Variants in GPM6A observed in about 807,000 individuals in gnomAD.
The protein encoded by GPM6A is neuronal membrane glycoprotein M6-a.
A neutral mutation model predicts 32.1 loss-of-function variants in GPM6A; 7 were observed. That is an observed-to-expected ratio of 0.22 (90% confidence interval 0.12 to 0.41). The LOEUF is 0.41. Among genes scored for constraint, GPM6A ranks in the 10% least tolerant of loss-of-function variants. GPM6A has a pLI of 1.00. For missense variants in GPM6A, 235 were observed against 347.2 expected (o/e 0.68, Z 2.57); for synonymous variants, 130 against 123.4 (o/e 1.05, Z -0.35).
intron 1 of GPM6A, among the ~76,000 whole-genome samples, chr4:175,889,427 C>T (rs1420651946): frequency 1.3e-5 from 2 of 151,530 alleles, no homozygotes; most frequent in East Asian, 1.9e-4. Context: ...CTGGAGGCTA[C>T]GGCAGGAGGA....
intron 1 of GPM6A, among the ~76,000 whole-genome samples, chr4:175,969,296 G>A (rs949280537): frequency 2.4e-4 from 37 of 152,110 alleles, no homozygotes; most frequent in African/African-American, 8.2e-4. Context: ...GATTCTTAGG[G>A]CAGTGAGACT....
At chr4:175,764,280 T>A (rs929214179) in intron 1 of GPM6A, among the ~76,000 whole-genome samples, 1 of 152,250 alleles carries the variant, frequency 6.6e-6, no homozygotes, top group Non-Finnish European at 1.5e-5. Context: ...CATGCTTTTA[T>A]GCCTGACTTC....
At chr4:175,864,546 T>C (rs1736672569) in intron 1 of GPM6A, among the ~76,000 whole-genome samples, 1 of 152,216 alleles carries the variant, frequency 6.6e-6, no homozygotes, top group Non-Finnish European at 1.5e-5. Flanking sequence ...CTATCCTGGA[T>C]ACAACTTTTT....
intron 3 of GPM6A, among the ~76,000 whole-genome samples, 175 bp downstream of exon 3, chr4:175,673,505 C>T (rs893676582): frequency 1.3e-5 from 2 of 151,902 alleles, no homozygotes; most frequent in African/African-American, 4.8e-5. Context: ...ACTGAATTTT[C>T]ACAAGGAATA....
At chr4:175,914,979 TTTAA>T (rs1227405470) in intron 1 of GPM6A, among the ~76,000 whole-genome samples, 1 of 152,198 alleles carries the variant, frequency 6.6e-6, no homozygotes, top group African/African-American at 2.4e-5. Flanking sequence ...TTACACAAAT[TTTAA>T]TTAATATTGA....
intron 1 of GPM6A, among the ~76,000 whole-genome samples, chr4:175,876,473 C>A (rs144177367): frequency 1.6e-4 from 24 of 152,238 alleles, no homozygotes; most frequent in African/African-American, 5.8e-4. Context: ...AGAAAATATG[C>A]CACTCTATCT....
intron 1 of GPM6A, among the ~76,000 whole-genome samples, chr4:175,985,124 T>G (rs1239672201): frequency 6.6e-6 from 1 of 152,176 alleles, no homozygotes; most frequent in Non-Finnish European, 1.5e-5. Flanking sequence ...GTTTGTAGAT[T>G]CCATGAAAAC....
At chr4:175,856,825 C>T (rs1736433328) in intron 1 of GPM6A, among the ~76,000 whole-genome samples, 1 of 152,092 alleles carries the variant, frequency 6.6e-6, no homozygotes, top group Non-Finnish European at 1.5e-5. Flanking sequence ...TGCTCCTCTG[C>T]CAGTGGAACT....
intron 1 of GPM6A, among the ~76,000 whole-genome samples, chr4:175,782,727 T>G (rs1160671421): frequency 2.0e-5 from 3 of 152,106 alleles, no homozygotes; most frequent in Non-Finnish European, 4.4e-5. Flanking sequence ...TAAATTACCT[T>G]ATTTATTGGA....
chr4:175,840,090 T>A (rs1343944719), intron 1 of GPM6A, among the ~76,000 whole-genome samples: 1 of 152,150 alleles, frequency 6.6e-6, no homozygotes, highest in Non-Finnish European at 1.5e-5. Flanking sequence ...ATAATTTCGT[T>A]AGCTTTATTG....
chr4:175,968,086 G>C (rs1032371861), intron 1 of GPM6A, among the ~76,000 whole-genome samples: 1 of 151,758 alleles, frequency 6.6e-6, no homozygotes, highest in Non-Finnish European at 1.5e-5. Flanking sequence ...TAAATCAATG[G>C]AACGGAATCG....
At chr4:175,690,057 A>G (rs1026905364) in intron 2 of GPM6A, among the ~76,000 whole-genome samples, 5 of 152,150 alleles carry the variant, frequency 3.3e-5, no homozygotes, top group African/African-American at 1.2e-4. Context: ...CACCTGGAGT[A>G]CTGCAAACTC....
intron 1 of GPM6A, among the ~76,000 whole-genome samples, chr4:175,810,716 A>G (rs1326016541): frequency 1.3e-5 from 2 of 152,340 alleles, no homozygotes; most frequent in East Asian, 3.9e-4. Flanking sequence ...TCGGCCAATA[A>G]GTATCATTAT....
intron 1 of GPM6A, among the ~76,000 whole-genome samples, chr4:175,798,464 C>A (rs1734325038): frequency 6.6e-6 from 1 of 152,048 alleles, no homozygotes. Flanking sequence ...ATTTAAAGAG[C>A]AAAACTGAAA....
At chr4:175,732,295 TGCTACA>T (rs1731468706) in intron 1 of GPM6A, among the ~76,000 whole-genome samples, 1 of 152,048 alleles carries the variant, frequency 6.6e-6, no homozygotes, top group Non-Finnish European at 1.5e-5. Context: ...CAAGCGTTAT[TGCTACA>T]GTAGCACACA....
chr4:175,846,099 G>A (rs1034208650), intron 1 of GPM6A, among the ~76,000 whole-genome samples: 8 of 151,842 alleles, frequency 5.3e-5, no homozygotes, highest in African/African-American at 1.2e-4. Context: ...CTAATGTGTC[G>A]TAACATCGTG....
intron 1 of GPM6A, among the ~76,000 whole-genome samples, chr4:175,748,103 C>T (rs1460865791): frequency 6.6e-6 from 1 of 152,124 alleles, no homozygotes; most frequent in African/African-American, 2.4e-5. Context: ...TTCTCTTGTT[C>T]TTTCCTCTAT....
At chr4:175,780,364 A>G (rs1733571318) in intron 1 of GPM6A, among the ~76,000 whole-genome samples, 1 of 152,154 alleles carries the variant, frequency 6.6e-6, no homozygotes, top group Non-Finnish European at 1.5e-5. Context: ...TCAACTTTTA[A>G]TAAATCACTT....
At chr4:175,876,880 C>G (rs1737099960) in intron 1 of GPM6A, among the ~76,000 whole-genome samples, 2 of 152,058 alleles carry the variant, frequency 1.3e-5, no homozygotes, top group Admixed American at 1.3e-4. Context: ...ACACAAAGGC[C>G]AGAAACAACA....
Sources: gnomAD v4.1 joint callset for allele counts (sites outside exome capture counted in the v4.1 genomes callset) on GRCh38, gnomAD v4.1.1 for gene constraint, MANE v1.5 for transcripts, NCBI Gene and HGNC (gene_info 2026-07-23, HGNC 2026-07-21) for gene names.